CACNA1D: variants seen among roughly 807,000 people sequenced by gnomAD.
CACNA1D encodes the protein voltage-dependent L-type calcium channel subunit alpha-1D.
A neutral mutation model predicts 257.1 loss-of-function variants in CACNA1D; 55 were observed. The ratio of observed to expected loss-of-function variants is 0.21; its 90% CI spans 0.17 to 0.27. The LOEUF is 0.27. Among genes scored for constraint, CACNA1D ranks in the 10% least tolerant of loss-of-function variants. The probability of loss-of-function intolerance (pLI) is 1.00; values close to 1 mark genes in which losing one functional copy is unlikely to be tolerated. For synonymous variants in CACNA1D, 980 were observed against 1,014.9 expected, an observed-to-expected ratio of 0.97 and a Z score of 0.65; for missense variants, 1,876 against 2,784.0, an observed-to-expected ratio of 0.67 and a Z score of 7.34.
chr3:53,726,494 G>A (rs1267474367), intron 14 of CACNA1D, among the ~76,000 whole-genome samples: 4 of 152,060 alleles, frequency 2.6e-5, no homozygotes, highest in Admixed American at 6.5e-5. Flanking sequence ...AAAATTAGCC[G>A]AGTGTGGTGG....
intron 15 of CACNA1D, among the ~76,000 whole-genome samples, chr3:53,729,756 G>A (rs999826449): frequency 2.0e-5 from 3 of 152,302 alleles, no homozygotes; most frequent in Admixed American, 6.5e-5. Flanking sequence ...GTCCTGGGCT[G>A]GAGAGGGCAA....
intron 6 of CACNA1D, among the ~76,000 whole-genome samples, 193 bp downstream of exon 6, chr3:53,666,005 G>C (rs1477210707): frequency 2.0e-5 from 3 of 152,052 alleles, no homozygotes; most frequent in Non-Finnish European, 4.4e-5. Context: ...TTTCCACCCC[G>C]ATTTCCTGTG....
intron 15 of CACNA1D, among the ~76,000 whole-genome samples, chr3:53,729,573 G>C (rs753291816): frequency 6.6e-6 from 1 of 152,096 alleles, no homozygotes; most frequent in African/African-American, 2.4e-5. Context: ...TAAGAAACAG[G>C]CATCTTCTGA....
In CACNA1D at chr3:53,752,347, G is replaced by A. The variant is rs556190239; in HGVS notation, c.3675+440G>A. 7.2e-5 allele frequency among the ~76,000 whole-genome samples: 11 copies of A among 152,244 alleles called. No homozygotes were observed. In the East Asian group the frequency reaches 1.2e-3, roughly 16 times the overall value. ...AAATGGGGAAATCTGTCACACCTAC[G>A]TTAGAGATAAGGTTTATGCTGTAGA... On this transcript the variant is annotated intron_variant, in intron 28 of 47. Coordinates refer to ENST00000350061, the MANE Select transcript of CACNA1D (RefSeq NM_001128840.3).
chr3:53,755,948 G>A (rs1447472796), intron 29 of CACNA1D, among the ~76,000 whole-genome samples: 1 of 152,172 alleles, frequency 6.6e-6, no homozygotes, highest in Non-Finnish European at 1.5e-5. Flanking sequence ...GCAGAAGGAG[G>A]AATATTCTGA....
At chr3:53,785,074 A>G (rs941383062) in intron 39 of CACNA1D, among the ~76,000 whole-genome samples, 2 of 152,150 alleles carry the variant, frequency 1.3e-5, no homozygotes, top group East Asian at 3.8e-4. Flanking sequence ...CTTGGCATCT[A>G]TAGATGTCCA....
chr3:53,564,147 A>AT lies in CACNA1D; in HGVS notation c.483+62428dup, dbSNP rs1360962315. The stretch of plus-strand genomic sequence containing the variant: ...TTTTGTGAAGTGTCCGTTGAGTCTT[A>AT]TGTCCATTTTTCTACTGGTTTGTCT... On this transcript the variant is annotated intron_variant, in intron 3 of 47. Coordinates refer to ENST00000350061, the MANE Select transcript of CACNA1D (RefSeq NM_001128840.3). Among the ~76,000 whole-genome samples the AT allele has an allele frequency of 1.1e-4, 16 of 152,070 alleles. No individual in the cohort carries two copies. In the South Asian group the frequency reaches 2.3e-3, roughly 22 times the overall value.
intron 3 of CACNA1D, among the ~76,000 whole-genome samples, chr3:53,535,119 G>C (rs1226457337): frequency 6.6e-6 from 1 of 152,194 alleles, no homozygotes; most frequent in Non-Finnish European, 1.5e-5. Context: ...GCTCACACAA[G>C]GACCAGCAGA....
intron 3 of CACNA1D, among the ~76,000 whole-genome samples, chr3:53,545,797 G>A (rs1205162412): frequency 6.6e-6 from 1 of 152,188 alleles, no homozygotes; most frequent in Non-Finnish European, 1.5e-5. Context: ...CAGAGTTGGG[G>A]CAGGGGGCAG....
intron 7 of CACNA1D, among the ~76,000 whole-genome samples, chr3:53,667,365 G>T (rs1476518413): frequency 1.3e-5 from 2 of 151,954 alleles, no homozygotes; most frequent in African/African-American, 4.8e-5. Context: ...TTTAGAAATT[G>T]TTTTTCACGG....
Position 53,494,993 on chromosome 3 carries a change from A to G in CACNA1D, c.-174A>G, listed in dbSNP as rs2090285196. ...GGCGAGCGGTTTTTTTTTTAAATCAATTATCCTTATTTTCTGTTATTTGTC... is the reference window on the plus strand; with the variant it reads ...GGCGAGCGGTTTTTTTTTTAAATCAGTTATCCTTATTTTCTGTTATTTGTC... On this transcript the variant is annotated 5_prime_UTR_variant, in exon 1 of 48. Transcript: ENST00000350061. 4.7e-6 allele frequency: 2 copies of G among 422,366 alleles called. No individual in the cohort carries two copies. Among genetic ancestry groups the G allele is most frequent in the East Asian group, 5.5e-5 (1 of 18,168 alleles). The allele number at this position is 422,366 out of a possible 1,614,324, so 26.2% of individuals were successfully genotyped here.
At chr3:53,624,445 T>C (rs1377179893) in intron 3 of CACNA1D, among the ~76,000 whole-genome samples, 1 of 152,240 alleles carries the variant, frequency 6.6e-6, no homozygotes, top group East Asian at 1.9e-4. Flanking sequence ...TGAGGTTGGC[T>C]CTGCCTGCCT....
At chr3:53,514,457 G>A (rs1022887248) in intron 3 of CACNA1D, among the ~76,000 whole-genome samples, 26 of 152,104 alleles carry the variant, frequency 1.7e-4, no homozygotes, top group African/African-American at 5.3e-4. Context: ...CAAGGTCTGG[G>A]GACTGGCATA....
chr3:53,811,878 T>G lies in CACNA1D; in HGVS notation c.*472T>G, dbSNP rs1391961128. 2.0e-5 allele frequency: 3 copies of G among 153,582 alleles called. No homozygotes were observed. The highest frequency in any genetic ancestry group is 7.2e-5 in the African/African-American group (3 of 41,478). 9.5% of individuals were successfully genotyped at this position (153,582 alleles called of 1,614,324 possible). On this transcript the variant is annotated 3_prime_UTR_variant, in exon 48 of 48. Coordinates refer to ENST00000350061, the MANE Select transcript of CACNA1D (RefSeq NM_001128840.3). This position sits in a 1 kb window ranked among gnomAD's most constrained non-coding sequence, Gnocchi z 4.2. ...TCACTGGGCCCAACATATCCATTTT[T>G]AAACCCTTTCCCCCAAATACACTGC...
rs757301541 is a variant in CACNA1D, at chr3:53,761,982, C to G, written c.3787-16C>G. The G allele has an allele frequency of 1.3e-6, 2 of 1,582,498 alleles. No individual in the cohort carries two copies. Among genetic ancestry groups the G allele is most frequent in the South Asian group, 2.2e-5 (2 of 90,432 alleles). The stretch of plus-strand genomic sequence containing the variant: ...ATACATGCTCATAAACATCTGCCCT[C>G]GCCTGCTCTGTCCAGGGGTATTTTA... On this transcript the variant is annotated splice_polypyrimidine_tract_variant and intron_variant, in intron 29 of 47. Coordinates refer to ENST00000350061, the MANE Select transcript of CACNA1D (RefSeq NM_001128840.3).
chr3:53,703,491 T>TGA (rs1361398985), intron 9 of CACNA1D, among the ~76,000 whole-genome samples: 1 of 152,236 alleles, frequency 6.6e-6, no homozygotes, highest in Non-Finnish European at 1.5e-5. Flanking sequence ...GGTGTCTCTT[T>TGA]CACTGCATAC....
chr3:53,543,322 C>T (rs753352029), intron 3 of CACNA1D, among the ~76,000 whole-genome samples: 36 of 152,070 alleles, frequency 2.4e-4, no homozygotes, highest in Admixed American at 1.2e-3. Flanking sequence ...ATGCCCCATC[C>T]CCCAACCCAT....
rs746124186 is a variant in CACNA1D, at chr3:53,673,667, C to G, written c.1220+541C>G. 16 of 1,432,226 alleles carry G rather than the reference C, an allele frequency of 1.1e-5. No individual in the cohort carries two copies. The highest frequency in any genetic ancestry group is 9.9e-7 in the Non-Finnish European group (1 of 1,013,952). 88.7% of individuals were successfully genotyped at this position (1,432,226 alleles called of 1,614,324 possible). ...TGGCAGCTGCAACTGGGGCTCTGCT[C>G]TTTAGTAAATGGATAACTGATAACT... On this transcript the variant is annotated intron_variant, in intron 8 of 47. Coordinates refer to ENST00000350061, the MANE Select transcript of CACNA1D (RefSeq NM_001128840.3). This position sits in a 1 kb window ranked among gnomAD's most constrained non-coding sequence, Gnocchi z 4.1.
intron 3 of CACNA1D, among the ~76,000 whole-genome samples, chr3:53,565,941 C>T (rs80036073): frequency 6.6e-6 from 1 of 152,146 alleles, no homozygotes; most frequent in African/African-American, 2.4e-5. Flanking sequence ...GTACACCCAC[C>T]TATTGAGGCA....
Sources: allele counts gnomAD v4.1 joint callset (sites outside exome capture counted in the v4.1 genomes callset), GRCh38; gene constraint gnomAD v4.1.1; non-coding constraint Gnocchi (gnomAD v3.1); transcripts MANE v1.5; gene names NCBI Gene and HGNC (gene_info 2026-07-23, HGNC 2026-07-21).